The following FBXL13 variants were observed in gnomAD, a reference collection of about 807,000 sequenced individuals.
The protein encoded by FBXL13 is F-box and leucine rich repeat protein 13, also known as F-box and leucine-rich repeat protein 13.
FBXL13 carries 67 observed loss-of-function variants against 83.6 expected under a neutral mutation model. The observed-to-expected ratio is 0.80, with a 90% CI of 0.66 to 0.98. The LOEUF is 0.98. Ranked by LOEUF, FBXL13 falls within the 50% of genes least tolerant of loss-of-function variation. The pLI is 0.00. For missense variants in FBXL13, 822 were observed against 866.5 expected (o/e 0.95, Z 0.64); for synonymous variants, 272 against 299.5 (o/e 0.91, Z 0.95).
At chr7:102,822,189 T>C (rs10279449) in exon 19 of FBXL13, 602,971 of 1,613,218 alleles carry the variant, frequency 0.37, 120,033 homozygotes, top group African/African-American at 0.7. Context: ...ACATCTCCAT[T>C]GCTGAGTCAG....
At chr7:102,919,135 G>T (rs1304703038) in intron 10 of FBXL13, among the ~76,000 whole-genome samples, 1 of 152,180 alleles carries the variant, frequency 6.6e-6, no homozygotes, top group Non-Finnish European at 1.5e-5. Context: ...TGTGTTGATA[G>T]CTTAAAATCG....
rs188554423 is a variant in FBXL13, at chr7:103,009,229, G to A, written c.495+15834C>T. Among the ~76,000 whole-genome samples, 5 of 152,222 alleles carry A rather than the reference G, an allele frequency of 3.3e-5. No individual in the cohort carries two copies. In the East Asian group the frequency reaches 9.7e-4, roughly 29 times the overall value. On this transcript the variant is annotated intron_variant, in intron 6 of 19. Transcript: ENST00000313221. ...CAAATAGGTGAGGGGCCAAGATGGC[G>A]AATTAGAAGCAGCTCATGTGCGCCA...
intron 16 of FBXL13, among the ~76,000 whole-genome samples, chr7:102,876,027 C>T (rs1367299267): frequency 6.6e-6 from 1 of 152,122 alleles, no homozygotes; most frequent in African/African-American, 2.4e-5. Context: ...GTGTGAGTCA[C>T]CCTGTAGCAG....
At chr7:102,894,488 C>T (rs532641981) in intron 11 of FBXL13, among the ~76,000 whole-genome samples, 88 of 152,000 alleles carry the variant, frequency 5.8e-4, no homozygotes, top group African/African-American at 2.1e-3. Context: ...CTTTGGGAGG[C>T]TGAGGTGGGA....
rs1185013421 is a variant in FBXL13, at chr7:102,921,688, T to TA, written c.878+4585dup. 3.7e-3 allele frequency among the ~76,000 whole-genome samples: 560 copies of TA among 150,736 alleles called. 5 individuals are homozygous for TA. Among genetic ancestry groups the TA allele is most frequent in the African/African-American group, 0.013 (553 of 41,112 alleles). ...GAGCAAGATTCCATCTCAAAAAAAA[T>TA]AAAAATAAAAAATAAAAGAAGCTCT... On this transcript the variant is annotated intron_variant, in intron 10 of 19. Transcript: ENST00000313221.
chr7:103,073,008 G>C (rs2129509774), intron 1 of FBXL13, among the ~76,000 whole-genome samples: 1 of 152,230 alleles, frequency 6.6e-6, no homozygotes, highest in East Asian at 1.9e-4. Flanking sequence ...CGGGAAGATG[G>C]GTACCATTCT....
intron 8 of FBXL13, chr7:102,933,172 A>G (rs575468954): frequency 2.0e-5 from 3 of 152,278 alleles, no homozygotes; most frequent in East Asian, 1.9e-4. Flanking sequence ...TGAAAAGGTA[A>G]CATTTGAGCC....
At chr7:102,820,559 T>C (rs1360379760) in intron 19 of FBXL13, among the ~76,000 whole-genome samples, 3 of 152,248 alleles carry the variant, frequency 2.0e-5, no homozygotes, top group African/African-American at 4.8e-5. Context: ...CTGGGTCTTC[T>C]TGACCACTCA....
chr7:102,911,036 C>T (rs1183083378), intron 11 of FBXL13, among the ~76,000 whole-genome samples: 3 of 152,202 alleles, frequency 2.0e-5, no homozygotes, highest in East Asian at 1.9e-4. Flanking sequence ...GCCAGGACTA[C>T]AGGCATGAGC....
intron 19 of FBXL13, among the ~76,000 whole-genome samples, chr7:102,818,515 A>G (rs188715860): frequency 1.0e-3 from 157 of 152,350 alleles, no homozygotes; most frequent in African/African-American, 3.6e-3. Context: ...ACAGCTCCAC[A>G]TCAGAAAGGC....
chr7:102,958,469 A>G (rs1028671556), intron 8 of FBXL13, among the ~76,000 whole-genome samples: 3 of 151,610 alleles, frequency 2.0e-5, no homozygotes, highest in African/African-American at 7.3e-5. Context: ...AACCAACATG[A>G]TACATGCATA....
chr7:102,907,999 AGT>A (rs1429672238), intron 11 of FBXL13, among the ~76,000 whole-genome samples: 2 of 152,212 alleles, frequency 1.3e-5, no homozygotes, highest in African/African-American at 4.8e-5. Context: ...TGTGGAAGAC[AGT>A]GTGGCGATTC....
intron 2 of FBXL13, among the ~76,000 whole-genome samples, chr7:103,033,062 T>TC (rs1394171680): frequency 6.6e-6 from 1 of 151,812 alleles, no homozygotes; most frequent in Non-Finnish European, 1.5e-5. Flanking sequence ...TCTCTCTCCA[T>TC]CCCCCCATAC....
rs74379001 is a variant in FBXL13 at position 102,990,274 on chromosome 7, C to A, written c.496-22157G>T. Among the ~76,000 whole-genome samples, 346 of 152,144 alleles carry A rather than the reference C, an allele frequency of 2.3e-3. 1 individual carries two copies. The highest frequency in any genetic ancestry group is 6.4e-3 in the South Asian group (31 of 4,810). On this transcript the variant is annotated intron_variant, in intron 6 of 19. Transcript: ENST00000313221. ...CTGGGTGTGAGGAGAGAGCAAGAAACCTATCCTGAGGATAGAGAAATAATT... is the reference window on the plus strand; with the variant it reads ...CTGGGTGTGAGGAGAGAGCAAGAAAACTATCCTGAGGATAGAGAAATAATT...
At chr7:102,860,051 T>G (rs893750880) in intron 16 of FBXL13, among the ~76,000 whole-genome samples, 6 of 152,146 alleles carry the variant, frequency 3.9e-5, no homozygotes, top group African/African-American at 1.4e-4. Flanking sequence ...CAGTATCACG[T>G]TCATTGAGGG....
intron 6 of FBXL13, among the ~76,000 whole-genome samples, chr7:102,987,874 G>C (rs910586879): frequency 4.6e-5 from 7 of 152,276 alleles, no homozygotes; most frequent in Admixed American, 2.6e-4. Flanking sequence ...AACACGCTAG[G>C]GGGTAGATGC....
chr7:102,971,421 A>G (rs566482465), intron 6 of FBXL13, among the ~76,000 whole-genome samples: 6 of 151,932 alleles, frequency 3.9e-5, no homozygotes, highest in Non-Finnish European at 8.8e-5. Flanking sequence ...AAGATGAAGA[A>G]ACCCCCTCTC....
chr7:102,877,664 A>T, intron 15 of FBXL13, 71 bp from the exon 17 acceptor site: 1 of 1,498,424 alleles, frequency 6.7e-7, no homozygotes, highest in Non-Finnish European at 9.0e-7. Context: ...TTCATATAAA[A>T]ACTATCTTGG....
Position 102,834,076 on chromosome 7 carries a change from GGAAGGAAA to G in FBXL13, c.1720-1110_1720-1103del, listed in dbSNP as rs1378579481. On this transcript the variant is annotated intron_variant, in intron 17 of 19. Coordinates refer to ENST00000313221, the Ensembl canonical transcript of FBXL13. ...AGGAAGGAAGGAAGGAAGGAAGGAA[GGAAGGAAA>G]GAAAAGAAAGAAAGAAAGAAAGAAA... Among the ~76,000 whole-genome samples, 153 of 104,664 alleles carry G rather than the reference GGAAGGAAA, an allele frequency of 1.5e-3. 2 individuals are homozygous for G. Among genetic ancestry groups the G allele is most frequent in the African/African-American group, 3.5e-3 (77 of 21,978 alleles). The allele number at this position is 104,664 out of a possible 152,430, so 68.7% of individuals were successfully genotyped here. A position where few individuals can be genotyped will look rare whatever the true frequency, so the allele number is the denominator to read the frequency against.
Sources: gnomAD v4.1 joint callset for allele counts (sites outside exome capture counted in the v4.1 genomes callset) on GRCh38, gnomAD v4.1.1 for gene constraint, MANE v1.5 for transcripts, NCBI Gene and HGNC (gene_info 2026-07-23, HGNC 2026-07-21) for gene names.